SAXO1: variants seen among roughly 807,000 people sequenced by gnomAD.
The protein encoded by SAXO1 is stabilizer of axonemal microtubules 1, also known as 4930500O09Rik.
SAXO1 carries 21 observed loss-of-function variants against 17.5 expected under a neutral mutation model. The observed-to-expected ratio is 1.20, with a 90% CI of 0.85 to 1.72. The LOEUF is 1.72. Among genes scored for constraint, SAXO1 ranks in the 40% most tolerant of loss-of-function variants. The pLI, the probability that SAXO1 is intolerant of heterozygous loss-of-function variation, is 0.00. For missense variants in SAXO1, 843 were observed against 596.0 expected, an observed-to-expected ratio of 1.41 and a Z score of -4.32; for synonymous variants, 274 against 216.5, an observed-to-expected ratio of 1.27 and a Z score of -2.33.
intron 1 of SAXO1, among the ~76,000 whole-genome samples, chr9:19,038,976 T>C (rs944743519): frequency 1.3e-5 from 2 of 152,116 alleles, no homozygotes; most frequent in African/African-American, 4.8e-5. Context: ...TAATACTCAG[T>C]GGTGCTGCAC....
chr9:19,047,379 A>C (rs1836244999), intron 1 of SAXO1, among the ~76,000 whole-genome samples: 1 of 152,134 alleles, frequency 6.6e-6, no homozygotes, highest in Admixed American at 6.5e-5. Flanking sequence ...AAAAGAAAAA[A>C]AATACATTAG....
At chr9:18,993,434 A>G (rs1833889391) in intron 1 of SAXO1, among the ~76,000 whole-genome samples, 1 of 152,186 alleles carries the variant, frequency 6.6e-6, no homozygotes, top group Non-Finnish European at 1.5e-5. Flanking sequence ...CAGAAGCTAC[A>G]GGACTCAGCC....
At chr9:18,932,463 A>T (rs960821385) in intron 3 of SAXO1, among the ~76,000 whole-genome samples, 5 of 152,218 alleles carry the variant, frequency 3.3e-5, no homozygotes, top group African/African-American at 4.8e-5. Flanking sequence ...AGGAAGTGTA[A>T]GTTTTACAAC....
At chr9:18,963,610 T>C (rs759713149) in intron 1 of SAXO1, among the ~76,000 whole-genome samples, 1 of 152,184 alleles carries the variant, frequency 6.6e-6, no homozygotes, top group Non-Finnish European at 1.5e-5. Context: ...TATTAGTGTA[T>C]AGAAATGCTT....
intron 1 of SAXO1, among the ~76,000 whole-genome samples, chr9:18,988,075 G>A (rs933889629): frequency 6.6e-6 from 1 of 152,054 alleles, no homozygotes; most frequent in Non-Finnish European, 1.5e-5. Flanking sequence ...AATTTTACTA[G>A]CATCTGCTTA....
At chr9:18,992,391 G>C (rs1315901658) in intron 1 of SAXO1, among the ~76,000 whole-genome samples, 1 of 152,174 alleles carries the variant, frequency 6.6e-6, no homozygotes, top group Non-Finnish European at 1.5e-5. Flanking sequence ...GTCCATGTCT[G>C]TCTTAGTGTC....
At chr9:18,933,817 T>C (rs569150843) in intron 3 of SAXO1, among the ~76,000 whole-genome samples, 9 of 152,124 alleles carry the variant, frequency 5.9e-5, no homozygotes, top group Non-Finnish European at 1.0e-4. Context: ...GAGGCCAAGG[T>C]GGGCTGATCA....
intron 1 of SAXO1, among the ~76,000 whole-genome samples, chr9:18,993,435 G>A (rs1024765011): frequency 6.6e-6 from 1 of 152,114 alleles, no homozygotes; most frequent in Admixed American, 6.5e-5. Context: ...AGAAGCTACA[G>A]GACTCAGCCT....
chr9:19,039,848 C>A (rs544073729), intron 1 of SAXO1, among the ~76,000 whole-genome samples: 82 of 152,276 alleles, frequency 5.4e-4, no homozygotes, highest in African/African-American at 1.9e-3. Context: ...CCTGCCTCAG[C>A]CTCCCCAGTA....
intron 1 of SAXO1, among the ~76,000 whole-genome samples, chr9:18,990,168 C>CT (rs11344361): frequency 7.8e-4 from 116 of 148,406 alleles, no homozygotes; most frequent in South Asian, 6.0e-3. Context: ...GAGTCATGGA[C>CT]TTTTTTTTTT....
At chr9:18,975,365 C>T (rs1341636869) in intron 1 of SAXO1, among the ~76,000 whole-genome samples, 1 of 152,178 alleles carries the variant, frequency 6.6e-6, no homozygotes, top group Non-Finnish European at 1.5e-5. Flanking sequence ...GACGATGTGG[C>T]ACACCTGCTG....
intron 1 of SAXO1, among the ~76,000 whole-genome samples, chr9:19,010,147 A>AC (rs1834666014): frequency 7.4e-5 from 8 of 108,048 alleles, no homozygotes; most frequent in African/African-American, 2.4e-4. Flanking sequence ...TAATCTAAAA[A>AC]AAAACAACAA....
intron 1 of SAXO1, among the ~76,000 whole-genome samples, chr9:18,983,737 G>A (rs1253204769): frequency 6.6e-6 from 1 of 152,172 alleles, no homozygotes; most frequent in Admixed American, 6.5e-5. Context: ...ATCCAAAAGG[G>A]TTGAAATCAA....
chr9:18,966,243 C>T (rs972043341), intron 1 of SAXO1, among the ~76,000 whole-genome samples: 4 of 152,162 alleles, frequency 2.6e-5, no homozygotes, highest in African/African-American at 9.7e-5. Context: ...TGTGGAGTAT[C>T]TTTCTGGTGT....
chr9:19,004,624 C>A (rs948313414), intron 1 of SAXO1, among the ~76,000 whole-genome samples: 15 of 152,110 alleles, frequency 9.9e-5, no homozygotes, highest in Non-Finnish European at 2.1e-4. Flanking sequence ...GGACGGAAAA[C>A]CAAACACCAC....
At chr9:19,048,237 G>C (rs1836266517) in intron 1 of SAXO1, among the ~76,000 whole-genome samples, 1 of 152,188 alleles carries the variant, frequency 6.6e-6, no homozygotes, top group Admixed American at 6.5e-5. Flanking sequence ...GGCCGAGGCA[G>C]GTGGCTGGCT....
chr9:18,980,580 G>A (rs959493109), intron 1 of SAXO1, among the ~76,000 whole-genome samples: 19 of 151,230 alleles, frequency 1.3e-4, no homozygotes, highest in Non-Finnish European at 2.2e-4. Context: ...GGAGGAGGAG[G>A]AGGAGGGTGT....
intron 3 of SAXO1, among the ~76,000 whole-genome samples, chr9:18,938,830 G>GTGTGTGTA (rs1554667865): frequency 2.3e-4 from 34 of 147,858 alleles, no homozygotes; most frequent in Middle Eastern, 6.9e-3. Context: ...GCGTGTGTGT[G>GTGTGTGTA]TGTGTGTGTG....
intron 2 of SAXO1, among the ~76,000 whole-genome samples, chr9:18,942,974 C>T (rs954065294): frequency 3.9e-5 from 6 of 152,204 alleles, no homozygotes; most frequent in Admixed American, 1.3e-4. Flanking sequence ...GGAAGGTTTC[C>T]GGACAGGAAA....
Sources: gnomAD v4.1 joint callset for allele counts (sites outside exome capture counted in the v4.1 genomes callset) on GRCh38, gnomAD v4.1.1 for gene constraint, MANE v1.5 for transcripts, NCBI Gene and HGNC (gene_info 2026-07-23, HGNC 2026-07-21) for gene names.